Variants in PSMD10 observed in about 807,000 individuals in gnomAD.
The protein encoded by PSMD10 is proteasome 26S subunit, non-ATPase 10.
A neutral mutation model predicts 13.2 loss-of-function variants in PSMD10; 2 were observed. The observed-to-expected ratio is 0.15, with a 90% CI of 0.06 to 0.48. The LOEUF (loss-of-function observed/expected upper bound fraction) is 0.48, where lower values mean the gene tolerates loss of function less well. PSMD10 is among the 20% of genes least tolerant of loss of function. The pLI, the probability that PSMD10 is intolerant of heterozygous loss-of-function variation, is 0.97. For missense variants in PSMD10, 120 were observed against 167.4 expected (o/e 0.72, Z 1.56); for synonymous variants, 66 against 64.4 (o/e 1.03, Z -0.12).
intron 4 of PSMD10, among the ~76,000 whole-genome samples, chrX:108,086,355 C>T (rs973748193): frequency 1.8e-5 from 2 of 111,942 alleles, no homozygotes; most frequent in African/African-American, 3.2e-5. Context: ...TAATAAAAGA[C>T]GGGTGAATAT....
At chrX:108,089,866 A>T (rs899403819) in intron 1 of PSMD10, among the ~76,000 whole-genome samples, 12 of 112,047 alleles carry the variant, frequency 1.1e-4, no homozygotes, top group Middle Eastern at 4.6e-3. Context: ...AATAAAAATT[A>T]AAAAAGCTAT....
intron 2 of PSMD10, 100 bp downstream of exon 2, chrX:108,088,652 A>C: frequency 1.6e-6 from 1 of 643,674 alleles, no homozygotes; most frequent in Non-Finnish European, 2.4e-6. Flanking sequence ...TAAAGGTTAC[A>C]ATTTTCTTTA....
chrX:108,091,354 A>G, intron 1 of PSMD10, 53 bp downstream of exon 1: 2 of 1,131,212 alleles, frequency 1.8e-6, no homozygotes, highest in Non-Finnish European at 1.2e-6. Flanking sequence ...CCCGAAAGCC[A>G]CGTAGGGCTT....
intron 1 of PSMD10, 54 bp downstream of exon 1, chrX:108,091,353 C>T: frequency 8.9e-7 from 1 of 1,124,012 alleles, no homozygotes; most frequent in Admixed American, 2.2e-5. Context: ...CCCCGAAAGC[C>T]ACGTAGGGCT....
At chrX:108,088,697 C>A in intron 2 of PSMD10, 55 bp downstream of exon 2, 2 of 988,811 alleles carry the variant, frequency 2.0e-6, no homozygotes, top group South Asian at 2.1e-5. Flanking sequence ...AAACACCAGT[C>A]TGGAGTACAA....
chrX:108,090,635 G>A (rs966653227), intron 1 of PSMD10, among the ~76,000 whole-genome samples: 1 of 111,874 alleles, frequency 8.9e-6, no homozygotes, highest in Non-Finnish European at 1.9e-5. Context: ...TAGTGCTTAC[G>A]ACACTGTCTG....
chrX:108,088,914 C>G, intron 1 of PSMD10, 64 bp from the exon 2 acceptor site: 5 of 854,312 alleles, frequency 5.9e-6, no homozygotes, highest in Non-Finnish European at 5.0e-6. Context: ...AAAAAAAATA[C>G]TGGTGCTGGC....
intron 4 of PSMD10, among the ~76,000 whole-genome samples, chrX:108,086,515 T>G (rs947595911): frequency 9.0e-6 from 1 of 111,331 alleles, no homozygotes; most frequent in Non-Finnish European, 1.9e-5. Context: ...CAACTAACAT[T>G]GCAGAAAATT....
Position 108,085,052 on chromosome X carries a change from C to T in PSMD10, c.603G>A (p.Glu201=). The change falls in exon 5 of 5, where the codon GAG becomes GAA. Residue 201 remains glutamate, a synonymous_variant. Coordinates refer to ENST00000217958, the MANE Select transcript of PSMD10 (RefSeq NM_002814.4). ...LVSQGASIYI[E]NKEEKTPLQV... is the part of the protein sequence containing the mutation. The stretch of plus-strand genomic sequence containing the variant: ...GCAGGGGTGTCTTTTCTTCTTTATT[C>T]TCAATGTAAATACTTGCTCCTTGGG... The T allele has an allele frequency of 8.3e-7, 1 of 1,209,837 alleles. No homozygotes were observed. Among genetic ancestry groups the T allele is most frequent in the Non-Finnish European group, 1.1e-6 (1 of 894,456 alleles).
At chrX:108,090,564 G>C (rs2031578310) in intron 1 of PSMD10, among the ~76,000 whole-genome samples, 1 of 112,122 alleles carries the variant, frequency 8.9e-6, no homozygotes, top group Non-Finnish European at 1.9e-5. Context: ...ACAGTCTCTT[G>C]ATTTCTAATT....
chrX:108,085,705 C>A (rs1352199314), intron 4 of PSMD10, among the ~76,000 whole-genome samples: 1 of 111,387 alleles, frequency 9.0e-6, no homozygotes, highest in Non-Finnish European at 1.9e-5. Context: ...TAAGAGTTTG[C>A]CAGGAGGGTA....
At chrX:108,090,958 T>A (rs1386414357) in intron 1 of PSMD10, among the ~76,000 whole-genome samples, 1 of 112,759 alleles carries the variant, frequency 8.9e-6, no homozygotes, top group Non-Finnish European at 1.9e-5. Context: ...TTTACCACAA[T>A]TTGTAATCGG....
chrX:108,088,640 C>A, intron 2 of PSMD10, 112 bp downstream of exon 2: 1 of 564,899 alleles, frequency 1.8e-6, no homozygotes, highest in South Asian at 3.6e-5. Context: ...ACTTTCCAGT[C>A]ATAAAGGTTA....
chrX:108,084,623 C>T lies in PSMD10; in HGVS notation c.*351G>A, dbSNP rs1298699035. On this transcript the variant is annotated 3_prime_UTR_variant, in exon 5 of 5. Coordinates refer to ENST00000217958, the MANE Select transcript of PSMD10 (RefSeq NM_002814.4). ...CACATAGAAACATCTGGCAGAACAA[C>T]TAGCTTGTTGCTATTGGAGCTGTTC... 1 of 133,251 alleles carries T rather than the reference C, an allele frequency of 7.5e-6. No homozygotes were observed. Among genetic ancestry groups the T allele is most frequent in the Non-Finnish European group, 1.5e-5 (1 of 66,890 alleles). 11.0% of individuals were successfully genotyped at this position (133,251 alleles called of 1,213,427 possible).
chrX:108,088,074 G>C lies in PSMD10; in HGVS notation c.239C>G (p.Ala80Gly). Residue 80 changes from alanine (A) to glycine (G), a missense_variant, in exon 3 of 5, where the codon GCG becomes GGG. Transcript: ENST00000217958. ...DDAGWSPLHIAASAGRDEIVK... is the reference protein window; with the variant it reads ...DDAGWSPLHIGASAGRDEIVK... ...AATCTCATCCCGGCCAGCAGAAGCC[G>C]CAATATGAAGAGGAGACCAACCTGC... The C allele has an allele frequency of 8.3e-7, 1 of 1,208,320 alleles. No individual in the cohort carries two copies.
In PSMD10 at chrX:108,088,511, C is replaced by T. The variant is rs191423498; in HGVS notation, c.213+241G>A. ...CCTCAAACTACTAGGCTGGAGCAAT[C>T]CTCCTACCTCAGCCTCTCCTGTATG... On this transcript the variant is annotated intron_variant, in intron 2 of 4. Coordinates refer to ENST00000217958, the MANE Select transcript of PSMD10 (RefSeq NM_002814.4). 144 of 351,915 alleles carry T rather than the reference C, an allele frequency of 4.1e-4. 1 individual carries two copies. The highest frequency in any genetic ancestry group is 3.1e-3 in the African/African-American group (121 of 38,705). 29.0% of individuals were successfully genotyped at this position (351,915 alleles called of 1,213,427 possible). A position where few individuals can be genotyped will look rare whatever the true frequency, so the allele number is the denominator to read the frequency against.
In PSMD10 at chrX:108,085,045, C is replaced by T. The variant is rs775017249; in HGVS notation, c.610G>A (p.Glu204Lys). Residue 204 changes from glutamate to lysine, a missense_variant, in exon 5 of 5, where the codon GAA becomes AAA. By Grantham distance (56) the Glu-to-Lys change is moderately conservative. This residue lies in a region of PSMD10 where 20 missense variants were observed against 16.4 expected (regional missense o/e 1.22). Coordinates refer to ENST00000217958, the MANE Select transcript of PSMD10 (RefSeq NM_002814.4). ...GCCACTTGCAGGGGTGTCTTTTCTT[C>T]TTTATTCTCAATGTAAATACTTGCT... is the stretch of plus-strand genomic sequence containing the variant. ...QGASIYIENK[E>K]EKTPLQVAKG... 1.7e-6 allele frequency: 2 copies of T among 1,208,400 alleles called. No homozygotes were observed. Among genetic ancestry groups the T allele is most frequent in the East Asian group, 5.9e-5 (2 of 33,691 alleles).
intron 1 of PSMD10, among the ~76,000 whole-genome samples, chrX:108,089,897 G>A (rs930916246): frequency 8.9e-6 from 1 of 111,874 alleles, no homozygotes; most frequent in Non-Finnish European, 1.9e-5. Context: ...ATTTGTCAAA[G>A]GGAATCCCTA....
chrX:108,086,626 A>G (rs905851316), intron 4 of PSMD10, among the ~76,000 whole-genome samples: 7 of 112,055 alleles, frequency 6.2e-5, no homozygotes, highest in African/African-American at 1.9e-4. Flanking sequence ...TTACAATTAG[A>G]TAAGAAATGT....
Sources: gnomAD v4.1 joint callset for allele counts (sites outside exome capture counted in the v4.1 genomes callset) on GRCh38, gnomAD v4.1.1 for gene constraint, gnomAD v4.1.1 regional missense constraint, MANE v1.5 for transcripts, NCBI Gene and HGNC (gene_info 2026-07-23, HGNC 2026-07-21) for gene names.